STXBP2: variants seen among roughly 807,000 people sequenced by gnomAD.
The protein encoded by STXBP2 is syntaxin binding protein 2, also known as syntaxin-binding protein 2.
STXBP2 carries 47 observed loss-of-function variants against 72.2 expected under a neutral mutation model. The ratio of observed to expected loss-of-function variants is 0.65; its 90% CI spans 0.51 to 0.83. STXBP2 has a LOEUF of 0.83. STXBP2 is among the 40% of genes least tolerant of loss of function. The pLI, the probability that STXBP2 is intolerant of heterozygous loss-of-function variation, is 0.00. For synonymous variants in STXBP2, 367 were observed against 338.7 expected, an observed-to-expected ratio of 1.08 and a Z score of -0.92; for missense variants, 702 against 807.6, an observed-to-expected ratio of 0.87 and a Z score of 1.58.
upstream of STXBP2, chr19:7,632,300 G>T: frequency 6.4e-7 from 1 of 1,551,728 alleles, no homozygotes; most frequent in Non-Finnish European, 8.7e-7. The surrounding 1 kb of genome is among the most constrained non-coding windows in gnomAD (Gnocchi z 5.2). Context: ...CAGAGATGGG[G>T]CAGGCCCTGT....
Position 7,647,486 on chromosome 19 carries a change from C to G in STXBP2, c.1671C>G (p.Thr557=). The G allele has an allele frequency of 6.2e-7, 1 of 1,606,054 alleles. No homozygotes were observed. Among genetic ancestry groups the G allele is most frequent in the Non-Finnish European group, 8.5e-7 (1 of 1,176,054 alleles). The change falls in exon 18 of 19, where the codon ACC becomes ACG. Residue 557 remains threonine (T), a synonymous_variant. Transcript: ENST00000221283. ...CCGCCTACGAGGTGACCAGGGCCAC[C>G]GAGGGCAAGTGGGAGGTGCTCATTG... ...MRAAYEVTRA[T]EGKWEVLIGS...
In STXBP2 at chr19:7,642,998, C is replaced by G. The variant is rs1310776473; in HGVS notation, c.976C>G (p.Leu326Val). ...LTTDKANIKD[L>V]SQILKKMPQY... The stretch of plus-strand genomic sequence containing the variant: ...ACTTCCCCAGGCGAACATCAAAGAC[C>G]TATCCCAGATCCTGAAAAAGATGCC... Residue 326 changes from leucine (L) to valine (V), a missense_variant, in exon 12 of 19, where the codon CTA becomes GTA. Physicochemically the swap from Leu to Val is conservative, Grantham distance 32. Coordinates refer to ENST00000221283, the MANE Select transcript of STXBP2 (RefSeq NM_006949.4). The surrounding 1 kb of genome is among the most constrained non-coding windows in gnomAD (Gnocchi z 6.0). 1.2e-6 allele frequency: 2 copies of G among 1,614,076 alleles called. No homozygotes were observed. The highest frequency in any genetic ancestry group is 2.7e-5 in the African/African-American group (2 of 74,916).
At chr19:7,639,922 C>G (rs773965805) in intron 4 of STXBP2, 115 bp downstream of exon 4, 5 of 1,150,154 alleles carry the variant, frequency 4.3e-6, no homozygotes, top group South Asian at 2.7e-5. Flanking sequence ...GTGCATGTGT[C>G]CATGTGTATG....
At chr19:7,632,808 C>A (rs144932705), upstream of STXBP2, 2 of 1,557,916 alleles carry the variant, frequency 1.3e-6, no homozygotes, top group African/African-American at 2.7e-5. This position sits in a 1 kb window ranked among gnomAD's most constrained non-coding sequence, Gnocchi z 5.2. Flanking sequence ...ATTGAAGAAG[C>A]CCTCCTGGTC....
At chr19:7,647,298 C>T (rs370063718) in intron 17 of STXBP2, 51 bp downstream of exon 17, 25 of 1,611,304 alleles carry the variant, frequency 1.6e-5, no homozygotes, top group Middle Eastern at 1.7e-4. Context: ...GTTAGGTGGG[C>T]GGCCTGGCGG....
At position 7,645,076 on chromosome 19, in the gene STXBP2, C is replaced by T. The variant is rs2146227823; in HGVS notation, c.1247-121C>T. The T allele has an allele frequency of 8.9e-6, 13 of 1,454,922 alleles. No homozygotes were observed. The South Asian group carries it at 1.4e-4, about 15-fold the overall frequency. 90.1% of individuals were successfully genotyped at this position (1,454,922 alleles called of 1,614,324 possible). ...CTCACACTAGCACAGGGTACTGAGG[C>T]CCTCCCCACTGCAAGGTTCTCTCAT... On this transcript the variant is annotated intron_variant, in intron 14 of 18. Transcript: ENST00000221283.
chr19:7,639,181 G>T (rs1477730835), intron 3 of STXBP2, 81 bp downstream of exon 3: 5 of 1,446,444 alleles, frequency 3.5e-6, no homozygotes, highest in Non-Finnish European at 4.8e-6. Context: ...TTCAGCCCTT[G>T]AGTGTAGGAT....
At chr19:7,646,838 C>G in intron 16 of STXBP2, 2 of 477,696 alleles carry the variant, frequency 4.2e-6, no homozygotes, top group South Asian at 4.9e-5. Context: ...CACTGGGTTC[C>G]CCAAAGGGCT....
intron 14 of STXBP2, 43 bp downstream of exon 14, chr19:7,644,795 G>C (rs1407339151): frequency 6.2e-7 from 1 of 1,612,862 alleles, no homozygotes; most frequent in Admixed American, 1.7e-5. Flanking sequence ...CCATTTGCCA[G>C]CGTCTCCCAC....
rs1294057784 is a variant in STXBP2, at chr19:7,638,082, G to T, written c.38-644G>T. 4.6e-5 allele frequency among the ~76,000 whole-genome samples: 7 copies of T among 152,238 alleles called. No individual in the cohort carries two copies. In the East Asian group the frequency reaches 1.3e-3, roughly 29 times the overall value. ...ACAGCAGGAATACTTGAGGTAGCAGGTGGGGAAGCCGAGAGCCTGGCGCTA... is the reference window on the plus strand; with the variant it reads ...ACAGCAGGAATACTTGAGGTAGCAGTTGGGGAAGCCGAGAGCCTGGCGCTA... On this transcript the variant is annotated intron_variant, in intron 1 of 18. Transcript: ENST00000221283.
chr19:7,632,033 G>A (rs1217813469), upstream of STXBP2: 2 of 490,044 alleles, frequency 4.1e-6, no homozygotes, highest in Non-Finnish European at 7.0e-6. The surrounding 1 kb of genome is among the most constrained non-coding windows in gnomAD (Gnocchi z 5.2). Context: ...CTTCGTGTAT[G>A]TGTGAAGTCA....
chr19:7,647,013 C>T (rs2032161267), intron 16 of STXBP2, 149 bp from the exon 17 acceptor site: 1 of 734,776 alleles, frequency 1.4e-6, no homozygotes, highest in Non-Finnish European at 2.3e-6. Flanking sequence ...GGACTAGAGG[C>T]CTAGACTCCT....
Position 7,644,185 on chromosome 19 carries a change from TCGGAGAGG to T in STXBP2, c.1108-428_1108-421del, listed in dbSNP as rs2032033338. On this transcript the variant is annotated intron_variant, in intron 13 of 18. Coordinates refer to ENST00000221283, the MANE Select transcript of STXBP2 (RefSeq NM_006949.4). Reference sequence around the variant, plus strand: ...TGGGACCTGGGTGAGGGGTGGAGCCTCGGAGAGGTGGGACCTGGGTGAGGTGTGGAACC... The same window carrying T: ...TGGGACCTGGGTGAGGGGTGGAGCCTTGGGACCTGGGTGAGGTGTGGAACC... Among the ~76,000 whole-genome samples the T allele has an allele frequency of 2.8e-4, 26 of 93,672 alleles. 3 individuals carry two copies. In the East Asian group the frequency reaches 4.5e-3, roughly 16 times the overall value. The allele number at this position is 93,672 out of a possible 152,430, so 61.5% of individuals were successfully genotyped here. A position where few individuals can be genotyped will look rare whatever the true frequency, so the allele number is the denominator to read the frequency against.
At chr19:7,633,337 A>AAATT (rs1163539065), upstream of STXBP2, 10 of 1,155,620 alleles carry the variant, frequency 8.7e-6, no homozygotes, top group East Asian at 2.3e-4. Flanking sequence ...GGTGCCCTAC[A>AAATT]AACTAGTCTT....
Position 7,642,953 on chromosome 19 carries a change from A to G in STXBP2, c.961-30A>G, listed in dbSNP as rs1286336054. On this transcript the variant is annotated intron_variant, in intron 11 of 18. Transcript: ENST00000221283. The surrounding 1 kb of genome is among the most constrained non-coding windows in gnomAD (Gnocchi z 6.0). ...GGGCACTGCCTGGCTTCGCCCCCCA[A>G]TCCCTACCCTCTTCCCCCTACTTCC... 8.7e-6 allele frequency: 14 copies of G among 1,613,760 alleles called. No homozygotes were observed. The highest frequency in any genetic ancestry group is 2.7e-5 in the African/African-American group (2 of 74,858).
chr19:7,646,364 G>T lies in STXBP2; in HGVS notation c.1452+20G>T. ...ATGGAGGTACTGGGTGGCAGGTCAG[G>T]GTGGGGGCCAGCCCTCCGCATCGGC... On this transcript the variant is annotated intron_variant, in intron 16 of 18. Transcript: ENST00000221283. 1.3e-6 allele frequency: 2 copies of T among 1,588,700 alleles called. No homozygotes were observed. The highest frequency in any genetic ancestry group is 2.3e-5 in the East Asian group (1 of 43,868).
At chr19:7,632,944 A>G, upstream of STXBP2, 3 of 1,482,856 alleles carry the variant, frequency 2.0e-6, no homozygotes, top group Middle Eastern at 3.5e-4. The surrounding 1 kb of genome is among the most constrained non-coding windows in gnomAD (Gnocchi z 5.2). Context: ...CCACTTCCTC[A>G]GCTCTCACCA....
intron 14 of STXBP2, 72 bp downstream of exon 14, chr19:7,644,824 A>G (rs2032066575): frequency 1.2e-6 from 2 of 1,608,564 alleles, no homozygotes; most frequent in Admixed American, 3.3e-5. Context: ...GAACTGCTGA[A>G]CCCCACAGCT....
chr19:7,629,921 G>A, the STXBP2 span: 3 of 1,468,478 alleles, frequency 2.0e-6, no homozygotes, highest in African/African-American at 2.8e-5. Flanking sequence ...ATCTGAAGAT[G>A]AGGTTGGAAA....
Sources: gnomAD v4.1 joint callset for allele counts (sites outside exome capture counted in the v4.1 genomes callset) on GRCh38, gnomAD v4.1.1 for gene constraint, Gnocchi (gnomAD v3.1) non-coding constraint, MANE v1.5 for transcripts, NCBI Gene and HGNC (gene_info 2026-07-23, HGNC 2026-07-21) for gene names.